Variants in GLB1 observed in about 807,000 individuals in gnomAD.
GLB1 encodes galactosidase beta 1.
A neutral mutation model predicts 74.0 loss-of-function variants in GLB1; 56 were observed. The observed-to-expected ratio is 0.76, with a 90% CI of 0.61 to 0.94. The LOEUF is 0.94. Among genes scored for constraint, GLB1 ranks in the 40% least tolerant of loss-of-function variants. GLB1 has a pLI of 0.00. For missense variants in GLB1, 787 were observed against 845.5 expected (o/e 0.93, Z 0.86); for synonymous variants, 323 against 323.6 (o/e 1.00, Z 0.02).
intron 15 of GLB1, among the ~76,000 whole-genome samples, chr3:32,998,825 C>T (rs1011739044): frequency 1.8e-4 from 27 of 152,182 alleles, no homozygotes; most frequent in Admixed American, 1.4e-3. Context: ...TTCTGCAACA[C>T]AACTCTGCTG....
intron 10 of GLB1, among the ~76,000 whole-genome samples, chr3:33,033,207 A>G (rs1698128403): frequency 1.3e-5 from 2 of 152,356 alleles, no homozygotes; most frequent in South Asian, 4.1e-4. Flanking sequence ...GTGGAGAAGC[A>G]AGGTTTGAAA....
At chr3:32,995,510 G>C (rs1330085791), downstream of GLB1, among the ~76,000 whole-genome samples, 1 of 152,080 alleles carries the variant, frequency 6.6e-6, no homozygotes, top group Non-Finnish European at 1.5e-5. Flanking sequence ...CTAAGTTCCA[G>C]TGTTTGTTTC....
chr3:33,029,178 GAACA>G (rs1337716024), intron 10 of GLB1, among the ~76,000 whole-genome samples: 2 of 152,086 alleles, frequency 1.3e-5, no homozygotes, highest in African/African-American at 2.4e-5. Context: ...GAAAAGAAAT[GAACA>G]AATATACCAA....
chr3:33,029,748 T>C (rs1379637205), intron 10 of GLB1, among the ~76,000 whole-genome samples: 1 of 151,956 alleles, frequency 6.6e-6, no homozygotes, highest in East Asian at 1.9e-4. Flanking sequence ...GGGAGCTAAA[T>C]GATGAGAACA....
Position 33,014,192 on chromosome 3 carries a change from C to A in GLB1, c.1598G>T (p.Gly533Val). ...HLGGWGHRDSGHHDEAWAHNS... is the reference protein window; with the variant it reads ...HLGGWGHRDSVHHDEAWAHNS... The stretch of plus-strand genomic sequence containing the variant: ...GTGGGCCCAGGCTTCATCATGGTGG[C>A]CACTGTCACGGTGTCCCCAGCCCCC... Residue 533 changes from glycine (G) to valine (V), a missense_variant, in exon 15 of 16, where the codon GGC (glycine) becomes GTC (valine). Coordinates refer to ENST00000307363, the MANE Select transcript of GLB1 (RefSeq NM_000404.4). The A allele has an allele frequency of 6.2e-7, 1 of 1,614,156 alleles. No individual in the cohort carries two copies. The highest frequency in any genetic ancestry group is 8.5e-7 in the Non-Finnish European group (1 of 1,180,028).
the GLB1 span, among the ~76,000 whole-genome samples, chr3:32,978,120 G>T: frequency 1.3e-5 from 2 of 152,208 alleles, no homozygotes; most frequent in African/African-American, 4.8e-5. Flanking sequence ...TAGAGGTAAA[G>T]TATGAAGAAC....
chr3:33,000,792 C>A (rs569134754), intron 15 of GLB1, among the ~76,000 whole-genome samples: 15 of 152,268 alleles, frequency 9.9e-5, no homozygotes, highest in African/African-American at 3.6e-4. Flanking sequence ...CTGCACTGGA[C>A]TACAGAGCTA....
In GLB1 at chr3:33,092,124, C is replaced by G. The variant is rs117541625; in HGVS notation, c.75+4887G>C. The G allele has an allele frequency of 1.2e-3, 1,224 of 985,594 alleles. 23 individuals carry two copies. In the South Asian group the frequency reaches 0.037, roughly 29 times the overall value. The allele number at this position is 985,594 out of a possible 1,614,324, so 61.1% of individuals were successfully genotyped here. ...CTCTGAATTCCTAAGCAGCCATGTT[C>G]TCACCATCACCGACCATGGCGCCCA... is the stretch of plus-strand genomic sequence containing the variant. On this transcript the variant is annotated intron_variant, in intron 1 of 15. Coordinates refer to ENST00000307363, the MANE Select transcript of GLB1 (RefSeq NM_000404.4).
intron 14 of GLB1, 83 bp downstream of exon 14, chr3:33,016,626 A>C: frequency 1.9e-6 from 3 of 1,597,202 alleles, no homozygotes; most frequent in Non-Finnish European, 1.7e-6. Flanking sequence ...TGCTGAGATT[A>C]CAGGTGTGAG....
chr3:33,055,182 G>A (rs760719441), intron 6 of GLB1, among the ~76,000 whole-genome samples: 4 of 152,204 alleles, frequency 2.6e-5, no homozygotes, highest in Non-Finnish European at 5.9e-5. Context: ...GCCTCAGACT[G>A]GAGGGCCCAT....
chr3:33,090,521 T>C (rs1700707858), intron 1 of GLB1: 2 of 985,432 alleles, frequency 2.0e-6, no homozygotes, highest in Non-Finnish European at 2.4e-6. Flanking sequence ...TGCATTTCAA[T>C]TTGCATCTAA....
intron 15 of GLB1, among the ~76,000 whole-genome samples, chr3:33,006,660 T>C (rs1696803155): frequency 6.6e-6 from 1 of 152,210 alleles, no homozygotes; most frequent in Non-Finnish European, 1.5e-5. Flanking sequence ...TCCCAGTTGA[T>C]ATTCATTCAC....
At chr3:33,044,734 AACG>A (rs1698671836) in intron 10 of GLB1, among the ~76,000 whole-genome samples, 1 of 152,210 alleles carries the variant, frequency 6.6e-6, no homozygotes, top group African/African-American at 2.4e-5. Flanking sequence ...TTAAAATTAA[AACG>A]ACATCATACT....
In GLB1 at chr3:33,046,422, G is replaced by C. The variant is rs34173901; in HGVS notation, c.956-190C>G. On this transcript the variant is annotated intron_variant, in intron 9 of 15. Coordinates refer to ENST00000307363, the MANE Select transcript of GLB1 (RefSeq NM_000404.4). Reference sequence around the variant, plus strand: ...AAGGAATTTCTTTCTACAGGTAGCAGTTACCAGGCACCTTAGAGTTTACCA... The same window carrying C: ...AAGGAATTTCTTTCTACAGGTAGCACTTACCAGGCACCTTAGAGTTTACCA... Among the ~76,000 whole-genome samples, 28,192 of 151,840 alleles carry C rather than the reference G, an allele frequency of 0.19. 3,173 individuals carry two copies. Among genetic ancestry groups the C allele is most frequent in the East Asian group, 0.56 (2,874 of 5,156 alleles).
At chr3:32,994,580 G>A (rs1172671007), downstream of GLB1, among the ~76,000 whole-genome samples, 1 of 152,152 alleles carries the variant, frequency 6.6e-6, no homozygotes, top group Non-Finnish European at 1.5e-5. Context: ...AGAGTTGGAT[G>A]GGTTGAGGGG....
At chr3:33,013,982 T>G in intron 15 of GLB1, 74 bp downstream of exon 15, 2 of 1,611,808 alleles carry the variant, frequency 1.2e-6, no homozygotes, top group South Asian at 2.2e-5. Context: ...TAACAGCTCT[T>G]TGTGATTCTT....
At chr3:33,092,556 C>A in intron 1 of GLB1, 1 of 1,200,132 alleles carries the variant, frequency 8.3e-7, no homozygotes, top group Non-Finnish European at 1.0e-6. Flanking sequence ...GGTCCCCATT[C>A]CACATCATCT....
intron 1 of GLB1, chr3:33,092,699 G>A: frequency 6.9e-7 from 1 of 1,446,840 alleles, no homozygotes; most frequent in Non-Finnish European, 9.1e-7. Context: ...CACTGTTTGA[G>A]TCAGGCTTGT....
chr3:33,020,567 C>G (rs1360509994), intron 12 of GLB1, among the ~76,000 whole-genome samples: 2 of 152,148 alleles, frequency 1.3e-5, no homozygotes, highest in East Asian at 3.8e-4. Flanking sequence ...ACACCCCGAC[C>G]TTTTCAAAAA....
Sources: gnomAD v4.1 joint callset for allele counts (sites outside exome capture counted in the v4.1 genomes callset) on GRCh38, gnomAD v4.1.1 for gene constraint, MANE v1.5 for transcripts, NCBI Gene and HGNC (gene_info 2026-07-23, HGNC 2026-07-21) for gene names.